Variants in CACNA2D3 observed in about 807,000 individuals in gnomAD.
CACNA2D3 encodes calcium voltage-gated channel auxiliary subunit alpha2delta 3.
Under a neutral mutation model 160.6 loss-of-function variants are expected in CACNA2D3, and 60 were observed. The ratio of observed to expected loss-of-function variants is 0.37; its 90% CI spans 0.30 to 0.46. CACNA2D3 has a LOEUF of 0.46. Among genes scored for constraint, CACNA2D3 ranks in the 20% least tolerant of loss-of-function variants. The pLI is 1.00. For synonymous variants in CACNA2D3, 558 were observed against 492.9 expected (o/e 1.13, Z -1.75); for missense variants, 1,205 against 1,365.0 (o/e 0.88, Z 1.85).
intron 11 of CACNA2D3, among the ~76,000 whole-genome samples, chr3:54,733,920 C>A (rs1036206247): frequency 1.3e-5 from 2 of 150,728 alleles, no homozygotes; most frequent in South Asian, 4.2e-4. Context: ...GCCATCTGCA[C>A]AAAGTACAAA....
At chr3:55,020,880 A>G (rs530095418) in intron 35 of CACNA2D3, among the ~76,000 whole-genome samples, 1 of 152,158 alleles carries the variant, frequency 6.6e-6, no homozygotes, top group East Asian at 1.9e-4. Flanking sequence ...TATATCACAC[A>G]TATTGCTGGA....
intron 11 of CACNA2D3, among the ~76,000 whole-genome samples, chr3:54,749,812 T>C (rs895216124): frequency 3.9e-5 from 6 of 152,220 alleles, no homozygotes; most frequent in Non-Finnish European, 5.9e-5. Context: ...AGTGGAAATA[T>C]TGAACATTAT....
At chr3:54,894,594 T>G (rs866522202) in intron 25 of CACNA2D3, 1 of 515,844 alleles carries the variant, frequency 1.9e-6, no homozygotes, top group Middle Eastern at 3.2e-4. Context: ...CTCTTAGCTG[T>G]AATGACCACT....
chr3:54,304,725 A>G (rs1703557577), intron 2 of CACNA2D3, among the ~76,000 whole-genome samples: 1 of 152,168 alleles, frequency 6.6e-6, no homozygotes, highest in Admixed American at 6.6e-5. Context: ...GGGCTATCGA[A>G]TGAGCCTGCC....
At chr3:54,465,428 A>G (rs188950319) in intron 4 of CACNA2D3, among the ~76,000 whole-genome samples, 2 of 152,266 alleles carry the variant, frequency 1.3e-5, no homozygotes, top group South Asian at 2.1e-4. Context: ...ACTGTGCCTA[A>G]TTTATAAATT....
At chr3:54,961,508 G>C (rs1340720556) in intron 27 of CACNA2D3, among the ~76,000 whole-genome samples, 1 of 152,144 alleles carries the variant, frequency 6.6e-6, no homozygotes, top group Non-Finnish European at 1.5e-5. Context: ...AATCTATTAG[G>C]AGAAAATCTT....
At chr3:54,988,911 C>T (rs1702678505) in intron 31 of CACNA2D3, among the ~76,000 whole-genome samples, 1 of 152,216 alleles carries the variant, frequency 6.6e-6, no homozygotes, top group Non-Finnish European at 1.5e-5. Flanking sequence ...AGCAGATCGT[C>T]CCCTCCTGCT....
intron 28 of CACNA2D3, among the ~76,000 whole-genome samples, chr3:54,968,925 T>G (rs1385960477): frequency 6.6e-6 from 1 of 152,202 alleles, no homozygotes; most frequent in Non-Finnish European, 1.5e-5. Context: ...TCTGACTTCT[T>G]TGTTCACAGG....
intron 3 of CACNA2D3, among the ~76,000 whole-genome samples, chr3:54,333,921 A>G (rs1037164651): frequency 6.6e-6 from 1 of 152,194 alleles, no homozygotes; most frequent in Non-Finnish European, 1.5e-5. Context: ...GAGACAATGC[A>G]TAATTTGCTC....
chr3:54,429,584 T>G (rs1699959003), intron 4 of CACNA2D3, among the ~76,000 whole-genome samples: 1 of 152,080 alleles, frequency 6.6e-6, no homozygotes, highest in Non-Finnish European at 1.5e-5. Context: ...GAGGAGCCGT[T>G]CAGTGAGAGT....
chr3:54,194,160 G>T (rs1357473791), intron 2 of CACNA2D3, among the ~76,000 whole-genome samples: 1 of 152,128 alleles, frequency 6.6e-6, no homozygotes, highest in Non-Finnish European at 1.5e-5. Context: ...AATGTTAGGA[G>T]AGTAGGGTGA....
intron 12 of CACNA2D3, 142 bp downstream of exon 12, chr3:54,752,819 C>T (rs971460169): frequency 4.0e-5 from 21 of 522,552 alleles, no homozygotes; most frequent in Admixed American, 1.4e-4. Flanking sequence ...AGACTTGTAA[C>T]GGTTTCTTCC....
chr3:55,073,641 T>C (rs1704870095), intron 36 of CACNA2D3, 84 bp downstream of exon 36: 4 of 1,267,698 alleles, frequency 3.2e-6, no homozygotes, highest in Non-Finnish European at 4.6e-6. Context: ...GGAGAAATAT[T>C]AGAGAAGGAA....
At chr3:54,679,025 A>C (rs1700296158) in intron 11 of CACNA2D3, among the ~76,000 whole-genome samples, 1 of 152,200 alleles carries the variant, frequency 6.6e-6, no homozygotes, top group African/African-American at 2.4e-5. Context: ...TTGGTCAGCC[A>C]AGAACACAGA....
intron 5 of CACNA2D3, among the ~76,000 whole-genome samples, chr3:54,522,824 C>G (rs570659303): frequency 6.6e-6 from 1 of 152,178 alleles, no homozygotes; most frequent in Non-Finnish European, 1.5e-5. Flanking sequence ...TCAACTCTTA[C>G]AGGTCTCATC....
At chr3:54,252,116 T>C (rs1352885259) in intron 2 of CACNA2D3, among the ~76,000 whole-genome samples, 1 of 150,600 alleles carries the variant, frequency 6.6e-6, no homozygotes, top group Non-Finnish European at 1.5e-5. Flanking sequence ...TTTTTTTTTG[T>C]ACGATACTCT....
chr3:54,281,277 G>C lies in CACNA2D3; in HGVS notation c.205-39165G>C, dbSNP rs561666114. Among the ~76,000 whole-genome samples the C allele has an allele frequency of 7.9e-5, 12 of 152,332 alleles. No individual in the cohort carries two copies. The South Asian group carries it at 1.7e-3, about 21-fold the overall frequency. The stretch of plus-strand genomic sequence containing the variant: ...TTGCCACTTGGAAGCCATGATTTAT[G>C]GCACAGGAAGGCATCACTATATTTT... On this transcript the variant is annotated intron_variant, in intron 2 of 37. Coordinates refer to ENST00000474759, the MANE Select transcript of CACNA2D3 (RefSeq NM_018398.3).
intron 2 of CACNA2D3, among the ~76,000 whole-genome samples, chr3:54,241,246 G>T (rs997566436): frequency 1.3e-5 from 2 of 152,156 alleles, no homozygotes; most frequent in Non-Finnish European, 2.9e-5. Context: ...GCCTGCACAG[G>T]GCTGTTGTTT....
intron 2 of CACNA2D3, among the ~76,000 whole-genome samples, chr3:54,306,341 G>T (rs1287533731): frequency 2.0e-5 from 3 of 152,198 alleles, no homozygotes; most frequent in Non-Finnish European, 4.4e-5. Context: ...GAGAGAGAGA[G>T]AGAAGTATTA....
Sources: gnomAD v4.1 joint callset for allele counts (sites outside exome capture counted in the v4.1 genomes callset) on GRCh38, gnomAD v4.1.1 for gene constraint, MANE v1.5 for transcripts, NCBI Gene and HGNC (gene_info 2026-07-23, HGNC 2026-07-21) for gene names.